Variants in ZBTB1 observed in about 807,000 individuals in gnomAD.
ZBTB1 encodes zinc finger and BTB domain containing 1.
A neutral mutation model predicts 51.6 loss-of-function variants in ZBTB1; 13 were observed. The ratio of observed to expected loss-of-function variants is 0.25; its 90% confidence interval spans 0.16 to 0.40. The LOEUF (loss-of-function observed/expected upper bound fraction) is 0.40. ZBTB1 is among the 10% of genes least tolerant of loss of function. The probability of loss-of-function intolerance (pLI) is 1.00; values close to 1 mark genes in which losing one functional copy is unlikely to be tolerated. For missense variants in ZBTB1, 567 were observed against 856.5 expected, an observed-to-expected ratio of 0.66 and a Z score of 4.22; for synonymous variants, 240 against 282.2, an observed-to-expected ratio of 0.85 and a Z score of 1.50.
chr14:64,518,161 G>C (rs1446978581), intron 1 of ZBTB1, among the ~76,000 whole-genome samples: 7 of 151,976 alleles, frequency 4.6e-5, no homozygotes, highest in Non-Finnish European at 1.0e-4. Context: ...TTAATTCACT[G>C]CCACATGACA....
At chr14:64,527,244 G>A (rs1310458580), downstream of ZBTB1, among the ~76,000 whole-genome samples, 2 of 152,084 alleles carry the variant, frequency 1.3e-5, no homozygotes, top group African/African-American at 4.8e-5. Flanking sequence ...GGAGGCCAAG[G>A]TGGGTGGATC....
rs1861600800 is a variant in ZBTB1, at chr14:64,524,901, T to C, written c.*1255T>C. ...CAGGGTCTACATAATTACATGTGAA[T>C]TAAAACATTGGCAAAACTGACCCAC... On this transcript the variant is annotated 3_prime_UTR_variant, in exon 2 of 2. Coordinates refer to ENST00000683701, the MANE Select transcript of ZBTB1 (RefSeq NM_001123329.2). 1 of 985,262 alleles carries C rather than the reference T, an allele frequency of 1.0e-6. No homozygotes were observed. The highest frequency in any genetic ancestry group is 1.2e-6 in the Non-Finnish European group (1 of 829,912). 61.0% of individuals were successfully genotyped at this position (985,262 alleles called of 1,614,324 possible). A position where few individuals can be genotyped will look rare whatever the true frequency, so the allele number is the denominator to read the frequency against.
At chr14:64,533,079 T>C (rs2079954868) in exon 3 of ZBTB1, 1 of 152,110 alleles carries the variant, frequency 6.6e-6, no homozygotes, top group Non-Finnish European at 1.5e-5. Context: ...GTATTCTTAA[T>C]AGTATGTGCA....
At position 64,523,119 on chromosome 14, in the gene ZBTB1, T is replaced by A. The variant is rs748438385; in HGVS notation, c.1615T>A (p.Cys539Ser). 2 of 1,614,188 alleles carry A rather than the reference T, an allele frequency of 1.2e-6. No individual in the cohort carries two copies. Among genetic ancestry groups the A allele is most frequent in the South Asian group, 1.1e-5 (1 of 91,084 alleles). Reference sequence around the variant, plus strand: ...TGCCTGCCCTTTTCGATGTCCTAATTGTGGCCAGCGTTTTGAAACTGAAAA... The same window carrying A: ...TGCCTGCCCTTTTCGATGTCCTAATAGTGGCCAGCGTTTTGAAACTGAAAA... Reference protein sequence around the residue: ...HSACPFRCPNCGQRFETENLV... With the variant: ...HSACPFRCPNSGQRFETENLV... The change falls in exon 2 of 2, where the codon TGT becomes AGT. Residue 539 changes from cysteine to serine, a missense_variant. Cys to Ser is a moderately radical substitution (Grantham distance 112). This residue lies in a region of ZBTB1 where 329 missense variants were observed against 406.3 expected (regional missense o/e 0.81). Transcript: ENST00000683701. This position sits in a 1 kb window ranked among gnomAD's most constrained non-coding sequence, Gnocchi z 4.5.
At chr14:64,507,102 G>T (rs2079672387) in intron 1 of ZBTB1, among the ~76,000 whole-genome samples, 1 of 152,062 alleles carries the variant, frequency 6.6e-6, no homozygotes, top group South Asian at 2.1e-4. Flanking sequence ...CTAAGCCTTT[G>T]GTGCAAAGGA....
chr14:64,520,494 GTT>G, intron 1 of ZBTB1, among the ~76,000 whole-genome samples: 2 of 151,948 alleles, frequency 1.3e-5, no homozygotes, highest in Middle Eastern at 6.8e-3. Flanking sequence ...TTTTTGTTTT[GTT>G]TTGTTTTGTT....
intron 1 of ZBTB1, among the ~76,000 whole-genome samples, chr14:64,517,774 T>TAC (rs2079804353): frequency 1.2e-5 from 1 of 80,902 alleles, no homozygotes; most frequent in Non-Finnish European, 2.4e-5. Flanking sequence ...TATATATATA[T>TAC]ATATATATTT....
intron 1 of ZBTB1, among the ~76,000 whole-genome samples, chr14:64,505,412 C>T (rs1210015547): frequency 6.6e-6 from 1 of 152,196 alleles, no homozygotes; most frequent in African/African-American, 2.4e-5. Flanking sequence ...GCGTAAGATC[C>T]GTGCAAATTC....
In ZBTB1 at chr14:64,522,507, C is replaced by T. The variant is rs1403018905; in HGVS notation, c.1003C>T (p.Pro335Ser). The part of the protein sequence containing the change: ...IIIKMEPEDI[P>S]TDELKDFNII... ...TATTAAGATGGAGCCAGAAGATATT[C>T]CTACAGATGAACTGAAAGACTTTAA... The change falls in exon 2 of 2, where the codon CCT (proline) becomes TCT (serine). Residue 335 changes from proline (P) to serine (S), a missense_variant. Pro to Ser is a moderately conservative substitution (Grantham distance 74, BLOSUM62 -1). Coordinates refer to ENST00000683701, the MANE Select transcript of ZBTB1 (RefSeq NM_001123329.2). 1.2e-6 allele frequency: 2 copies of T among 1,614,050 alleles called. No homozygotes were observed. The highest frequency in any genetic ancestry group is 8.5e-7 in the Non-Finnish European group (1 of 1,180,002).
At chr14:64,531,668 C>T (rs529549381) in intron 2 of ZBTB1, among the ~76,000 whole-genome samples, 20 of 152,100 alleles carry the variant, frequency 1.3e-4, no homozygotes, top group Middle Eastern at 3.4e-3. Context: ...TTGAATGGTA[C>T]GAGTTACATT....
chr14:64,521,115 G>A (rs1236908687), intron 1 of ZBTB1, among the ~76,000 whole-genome samples: 6 of 152,030 alleles, frequency 3.9e-5, no homozygotes, highest in Non-Finnish European at 7.4e-5. Context: ...CTCCTGCCTC[G>A]GTCTCCCAAA....
Position 64,522,696 on chromosome 14 carries a change from G to C in ZBTB1, c.1192G>C (p.Glu398Gln). The change falls in exon 2 of 2, where the codon GAA (glutamate) becomes CAA (glutamine). Residue 398 changes from glutamate (E) to glutamine (Q), a missense_variant. Around this residue, in one of 5 missense-constraint regions of ZBTB1, gnomAD observed 329 missense variants for 406.3 expected, o/e 0.81. Coordinates refer to ENST00000683701, the MANE Select transcript of ZBTB1 (RefSeq NM_001123329.2). ...ACCTCGAATGTCAGTAAGTGCTGAT[G>C]AAAGAGGTGGTTTAGAGAATATGAG... Reference protein sequence around the residue: ...LKPRMSVSADERGGLENMRPP... With the variant: ...LKPRMSVSADQRGGLENMRPP... The C allele has an allele frequency of 6.2e-7, 1 of 1,614,146 alleles. No homozygotes were observed.
chr14:64,531,161 G>T (rs919449313), intron 2 of ZBTB1, among the ~76,000 whole-genome samples: 1 of 152,094 alleles, frequency 6.6e-6, no homozygotes. Flanking sequence ...AATCAGGAGA[G>T]CTCATTTTTA....
chr14:64,514,341 C>G (rs927802838), intron 1 of ZBTB1: 4 of 152,200 alleles, frequency 2.6e-5, no homozygotes, highest in Non-Finnish European at 4.4e-5. Flanking sequence ...TTCACTGAGG[C>G]TAAGCGAATC....
chr14:64,506,685 A>G (rs1263701401), intron 1 of ZBTB1, among the ~76,000 whole-genome samples: 4 of 152,236 alleles, frequency 2.6e-5, no homozygotes, highest in Non-Finnish European at 5.9e-5. Flanking sequence ...TTTCTCCATT[A>G]ATACCACATT....
At chr14:64,515,520 ATTT>A (rs5809234) in intron 1 of ZBTB1, among the ~76,000 whole-genome samples, 11 of 134,932 alleles carry the variant, frequency 8.2e-5, no homozygotes, top group Admixed American at 1.5e-4. Flanking sequence ...ATGCCTCATA[ATTT>A]TTTTTTTTTT....
At chr14:64,505,396 G>T (rs2079635060) in intron 1 of ZBTB1, among the ~76,000 whole-genome samples, 1 of 152,188 alleles carries the variant, frequency 6.6e-6, no homozygotes, top group African/African-American at 2.4e-5. Flanking sequence ...CGCTCCGAGG[G>T]AGGAGGCGTA....
At chr14:64,505,082 G>A in intron 1 of ZBTB1, 136 bp downstream of exon 1, 1 of 360,606 alleles carries the variant, frequency 2.8e-6, no homozygotes. Context: ...CGGACGCGCT[G>A]CGAGGACCCG....
chr14:64,504,264 G>T (rs1049921641), upstream of ZBTB1, among the ~76,000 whole-genome samples: 1 of 152,030 alleles, frequency 6.6e-6, no homozygotes, highest in African/African-American at 2.4e-5. Context: ...GTGGGGTCGG[G>T]GGGGCGCGGG....
Sources: gnomAD v4.1 joint callset for allele counts (sites outside exome capture counted in the v4.1 genomes callset) on GRCh38, gnomAD v4.1.1 for gene constraint, gnomAD v4.1.1 regional missense constraint, Gnocchi (gnomAD v3.1) non-coding constraint, MANE v1.5 for transcripts, NCBI Gene and HGNC (gene_info 2026-07-23, HGNC 2026-07-21) for gene names.